The following PDE7B variants were observed in gnomAD, a reference collection of about 807,000 sequenced individuals.
PDE7B encodes 3',5'-cyclic-AMP phosphodiesterase 7B.
A neutral mutation model predicts 56.2 loss-of-function variants in PDE7B; 29 were observed. The ratio of observed to expected loss-of-function variants is 0.52; its 90% CI spans 0.38 to 0.70. The LOEUF (loss-of-function observed/expected upper bound fraction) is 0.70, where lower values mean the gene tolerates loss of function less well. Ranked by LOEUF, PDE7B falls within the 30% of genes least tolerant of loss-of-function variation. The pLI is 0.00. For missense variants in PDE7B, 490 were observed against 565.0 expected (o/e 0.87, Z 1.35); for synonymous variants, 197 against 196.9 (o/e 1.00, Z 0.00).
At chr6:135,882,207 C>T (rs1775623025) in intron 1 of PDE7B, among the ~76,000 whole-genome samples, 1 of 152,170 alleles carries the variant, frequency 6.6e-6, no homozygotes, top group Non-Finnish European at 1.5e-5. Flanking sequence ...ATCCACAGCC[C>T]ACCAAATTCT....
chr6:135,885,109 C>T (rs952983057), intron 1 of PDE7B, among the ~76,000 whole-genome samples: 3 of 152,132 alleles, frequency 2.0e-5, no homozygotes, highest in Middle Eastern at 6.8e-3. Context: ...TCTAGTTCTG[C>T]CATCATATTT....
chr6:135,899,228 A>C (rs545570409), intron 1 of PDE7B, among the ~76,000 whole-genome samples: 1 of 152,240 alleles, frequency 6.6e-6, no homozygotes, highest in African/African-American at 2.4e-5. Flanking sequence ...GTAAGTCTTT[A>C]TTAGCAGCAT....
chr6:135,929,152 A>C lies in PDE7B; in HGVS notation c.22-18312A>C, dbSNP rs960179453. Among the ~76,000 whole-genome samples the C allele has an allele frequency of 1.2e-4, 19 of 152,188 alleles. 1 individual carries two copies. The highest frequency in any genetic ancestry group is 2.6e-4 in the Non-Finnish European group (18 of 68,034). On this transcript the variant is annotated intron_variant, in intron 1 of 12. Transcript: ENST00000308191. ...TAACGGTGAAAGAATCCAGTATATC[A>C]AGTCATTGTTTTTGTTCAATACATG...
At chr6:135,943,240 A>G (rs1472308116) in intron 1 of PDE7B, among the ~76,000 whole-genome samples, 2 of 152,226 alleles carry the variant, frequency 1.3e-5, no homozygotes, top group East Asian at 3.8e-4. Flanking sequence ...CTAAGCTTCC[A>G]ATGATACTGT....
intron 1 of PDE7B, among the ~76,000 whole-genome samples, chr6:135,868,897 T>G (rs879928907): frequency 1.3e-5 from 2 of 152,232 alleles, no homozygotes; most frequent in Non-Finnish European, 2.9e-5. Context: ...AATTGTTTTT[T>G]GACTATGACA....
At chr6:136,066,353 T>C (rs534243381) in intron 2 of PDE7B, among the ~76,000 whole-genome samples, 1 of 152,192 alleles carries the variant, frequency 6.6e-6, no homozygotes, top group Non-Finnish European at 1.5e-5. Flanking sequence ...TCAGAGTAGA[T>C]AGGAGAGGTG....
At chr6:136,181,545 G>A (rs1467137609) in intron 11 of PDE7B, among the ~76,000 whole-genome samples, 1 of 152,194 alleles carries the variant, frequency 6.6e-6, no homozygotes, top group Non-Finnish European at 1.5e-5. Flanking sequence ...GAAACAGGTA[G>A]TAATGAGGCA....
At chr6:135,938,512 G>A (rs1488994562) in intron 1 of PDE7B, among the ~76,000 whole-genome samples, 1 of 152,182 alleles carries the variant, frequency 6.6e-6, no homozygotes, top group Non-Finnish European at 1.5e-5. Flanking sequence ...CTATAACTGG[G>A]TGCACCAGAG....
Position 136,179,134 on chromosome 6 carries a change from T to C in PDE7B, c.941T>C (p.Met314Thr). 6.2e-7 allele frequency: 1 copy of C among 1,613,882 alleles called. No homozygotes were observed. Among genetic ancestry groups the C allele is most frequent in the Non-Finnish European group, 8.5e-7 (1 of 1,179,866 alleles). ...RLEDAQDRHF[M>T]LQIALKCADI... ...GAGGATGCACAGGACAGGCACTTTA[T>C]GCTTCAGGTAAACGAAACAATAAAA... is the stretch of plus-strand genomic sequence containing the variant. Residue 314 changes from methionine (M) to threonine (T), a missense_variant, in exon 10 of 13, where the codon ATG becomes ACG. Met to Thr is a moderately conservative substitution (Grantham distance 81). Transcript: ENST00000308191.
At chr6:135,955,128 T>G (rs1237085813) in intron 2 of PDE7B, among the ~76,000 whole-genome samples, 1 of 152,088 alleles carries the variant, frequency 6.6e-6, no homozygotes, top group Non-Finnish European at 1.5e-5. Context: ...CAACAAACAC[T>G]TCATAGATAC....
chr6:136,082,516 C>T (rs2128215241), intron 2 of PDE7B, among the ~76,000 whole-genome samples: 1 of 152,298 alleles, frequency 6.6e-6, no homozygotes. Flanking sequence ...AGCTGAGGGC[C>T]AGTCATGCAG....
Position 136,195,368 on chromosome 6 carries a change from G to A in PDE7B, c.*3528G>A, listed in dbSNP as rs959958513. On this transcript the variant is annotated 3_prime_UTR_variant, in exon 13 of 13. Coordinates refer to ENST00000308191, the MANE Select transcript of PDE7B (RefSeq NM_018945.4). ...TGCTTACTTATTTAGGTTTGGTTAT[G>A]AGCTTGTATCTCACTGTATTTCTCA... The A allele has an allele frequency of 6.7e-6, 1 of 149,318 alleles. No individual in the cohort carries two copies. The highest frequency in any genetic ancestry group is 2.1e-4 in the South Asian group (1 of 4,746). The allele number at this position is 149,318 out of a possible 1,614,324, so 9.2% of individuals were successfully genotyped here.
intron 1 of PDE7B, among the ~76,000 whole-genome samples, chr6:135,928,464 T>TA (rs1491164390): frequency 4.5e-4 from 32 of 71,692 alleles, no homozygotes; most frequent in African/African-American, 1.5e-3. Context: ...TATATATATA[T>TA]TTATTTATAT....
intron 2 of PDE7B, among the ~76,000 whole-genome samples, chr6:135,956,832 G>A (rs532379317): frequency 6.7e-6 from 1 of 148,262 alleles, no homozygotes; most frequent in African/African-American, 2.5e-5. Flanking sequence ...GAAAGAAAGA[G>A]AAAGGAAGAA....
intron 2 of PDE7B, among the ~76,000 whole-genome samples, chr6:136,049,784 A>G (rs916112454): frequency 2.0e-5 from 3 of 152,240 alleles, no homozygotes; most frequent in African/African-American, 7.2e-5. Context: ...GAAGAGTGGG[A>G]AACAGAAAAA....
chr6:135,918,189 G>A (rs1029737408), intron 1 of PDE7B, among the ~76,000 whole-genome samples: 1 of 152,226 alleles, frequency 6.6e-6, no homozygotes, highest in Middle Eastern at 3.4e-3. Context: ...CAAGATCCCT[G>A]GGTTCTGCTT....
At chr6:135,858,882 C>G (rs1775089098) in intron 1 of PDE7B, among the ~76,000 whole-genome samples, 1 of 152,054 alleles carries the variant, frequency 6.6e-6, no homozygotes, top group Admixed American at 6.6e-5. Flanking sequence ...TTTATTCAAA[C>G]CGTGTTTAAG....
chr6:136,130,664 GT>G (rs1235241805), intron 3 of PDE7B, among the ~76,000 whole-genome samples: 2 of 152,196 alleles, frequency 1.3e-5, no homozygotes, highest in African/African-American at 4.8e-5. Context: ...CCTCTGGGTA[GT>G]TGAGGACAGA....
At chr6:136,105,124 T>A (rs777835866) in intron 2 of PDE7B, among the ~76,000 whole-genome samples, 4 of 152,248 alleles carry the variant, frequency 2.6e-5, no homozygotes, top group Non-Finnish European at 5.9e-5. Flanking sequence ...AGATTCCTTG[T>A]TGATCCAGGA....
Sources: allele counts gnomAD v4.1 joint callset (sites outside exome capture counted in the v4.1 genomes callset), GRCh38; gene constraint gnomAD v4.1.1; transcripts MANE v1.5; gene names NCBI Gene and HGNC (gene_info 2026-07-23, HGNC 2026-07-21).